The following SHTN1 variants were observed in gnomAD, a reference collection of about 807,000 sequenced individuals.
The protein encoded by SHTN1 is shootin-1.
Under a neutral mutation model 83.1 loss-of-function variants are expected in SHTN1, and 42 were observed. That is an observed-to-expected ratio of 0.51 (90% CI 0.39 to 0.65). The LOEUF is 0.65. Among genes scored for constraint, SHTN1 ranks in the 30% least tolerant of loss-of-function variants. SHTN1 has a pLI of 0.00. For missense variants in SHTN1, 622 were observed against 737.8 expected (o/e 0.84, Z 1.82); for synonymous variants, 224 against 247.7 (o/e 0.90, Z 0.90).
In SHTN1 at chr10:116,901,816, C is replaced by G; in HGVS notation, c.1622G>C (p.Gly541Ala). ...NSPSPPTPEP[G>A]EGPRKLEGCT... ...TCCTTCCAATTTACGGGGCCCTTCA[C>G]CTGGCTCAGGTGTTGGGGGGGACGG... Residue 541 changes from glycine to alanine, a missense_variant, in exon 16 of 17, where the codon GGT (glycine) becomes GCT (alanine). By Grantham distance (60) the Gly-to-Ala change is moderately conservative. Transcript: ENST00000355371. 1.2e-6 allele frequency: 2 copies of G among 1,601,400 alleles called. No homozygotes were observed. The highest frequency in any genetic ancestry group is 1.7e-6 in the Non-Finnish European group (2 of 1,176,718).
intron 1 of SHTN1, among the ~76,000 whole-genome samples, chr10:117,097,394 C>A (rs769165389): frequency 6.6e-6 from 1 of 152,182 alleles, no homozygotes; most frequent in Non-Finnish European, 1.5e-5. Flanking sequence ...GTAATTCTTA[C>A]GGCAAAATTT....
chr10:117,124,231 A>G (rs1434803064), intron 1 of SHTN1, among the ~76,000 whole-genome samples: 1 of 151,202 alleles, frequency 6.6e-6, no homozygotes, highest in Non-Finnish European at 1.5e-5. Context: ...AAAAAAAGCC[A>G]AACTTCAGAT....
chr10:116,898,837 A>G (rs1564864747), intron 16 of SHTN1, among the ~76,000 whole-genome samples: 1 of 152,224 alleles, frequency 6.6e-6, no homozygotes, highest in Non-Finnish European at 1.5e-5. Context: ...ATTAAGCATT[A>G]AAAGTGTTTC....
intron 1 of SHTN1, among the ~76,000 whole-genome samples, chr10:117,103,530 C>CTTTTTTTTTT (rs35229163): frequency 3.9e-5 from 3 of 77,500 alleles, no homozygotes; most frequent in African/African-American, 1.1e-4. Context: ...CCTCCCCTCT[C>CTTTTTTTTTT]TTTTTTTTTT....
At chr10:117,082,441 G>C (rs1276884402) in intron 1 of SHTN1, among the ~76,000 whole-genome samples, 1 of 150,380 alleles carries the variant, frequency 6.6e-6, no homozygotes, top group South Asian at 2.1e-4. Context: ...TTGCTGAGGA[G>C]AGCTTTACTT....
chr10:116,963,996 T>C (rs1850302632), intron 3 of SHTN1, among the ~76,000 whole-genome samples: 1 of 151,982 alleles, frequency 6.6e-6, no homozygotes, highest in South Asian at 2.1e-4. Context: ...TTTACTTGTT[T>C]TTATCTTCTA....
intron 7 of SHTN1, among the ~76,000 whole-genome samples, chr10:116,947,269 G>A (rs1849629672): frequency 1.3e-5 from 2 of 152,084 alleles, no homozygotes; most frequent in African/African-American, 4.8e-5. Flanking sequence ...GCACAAGCTG[G>A]GCAGACAGCA....
At chr10:116,918,063 G>A (rs1652095344) in intron 12 of SHTN1, among the ~76,000 whole-genome samples, 1 of 152,166 alleles carries the variant, frequency 6.6e-6, no homozygotes, top group African/African-American at 2.4e-5. Flanking sequence ...GGTATGTTTT[G>A]TAATTCTTTC....
Position 117,069,091 on chromosome 10 carries a change from G to A in SHTN1, c.-188-20581C>T, listed in dbSNP as rs147346931. ...GCAGAGGAACAGGAGTCACTGAAAA[G>A]ACCATGAAAACTCTGCTGCAAAAGT... On this transcript the variant is annotated intron_variant, in intron 1 of 17. Transcript: ENST00000392901. Among the ~76,000 whole-genome samples, 11 of 152,246 alleles carry A rather than the reference G, an allele frequency of 7.2e-5. No homozygotes were observed. In the East Asian group the frequency reaches 2.1e-3, roughly 29 times the overall value.
chr10:116,891,713 G>T (rs1362125462), intron 16 of SHTN1, among the ~76,000 whole-genome samples: 1 of 152,084 alleles, frequency 6.6e-6, no homozygotes, highest in Non-Finnish European at 1.5e-5. Context: ...TTTTTCAGGA[G>T]ATTTTAATAC....
chr10:117,081,821 G>A (rs1199405850), intron 1 of SHTN1, among the ~76,000 whole-genome samples: 194 of 151,354 alleles, frequency 1.3e-3, no homozygotes, highest in African/African-American at 3.8e-3. Context: ...GTTTATTTGC[G>A]TAGAGGTGTT....
chr10:116,970,438 G>A lies in SHTN1; in HGVS notation c.112-1726C>T, dbSNP rs562759134. Among the ~76,000 whole-genome samples, 64 of 152,256 alleles carry A rather than the reference G, an allele frequency of 4.2e-4. 1 individual carries two copies. The highest frequency in any genetic ancestry group is 1.3e-3 in the African/African-American group (52 of 41,548). Reference sequence around the variant, plus strand: ...AACGTTAAAAACCATCATGTTGGCCGGGCACGGTGGCTCAAGTCGGTAATC... The same window carrying A: ...AACGTTAAAAACCATCATGTTGGCCAGGCACGGTGGCTCAAGTCGGTAATC... On this transcript the variant is annotated intron_variant, in intron 2 of 16. Coordinates refer to ENST00000355371, the MANE Select transcript of SHTN1 (RefSeq NM_001127211.3).
intron 2 of SHTN1, among the ~76,000 whole-genome samples, chr10:116,969,610 T>G (rs1167018890): frequency 6.6e-6 from 1 of 152,174 alleles, no homozygotes; most frequent in Non-Finnish European, 1.5e-5. Context: ...ATAAACCGAT[T>G]TTTAATTTAA....
chr10:116,953,506 G>A (rs1016517191), intron 5 of SHTN1, among the ~76,000 whole-genome samples: 1 of 151,848 alleles, frequency 6.6e-6, no homozygotes, highest in African/African-American at 2.4e-5. Context: ...AAATGATGTG[G>A]GAAGCTTTCA....
At chr10:117,109,975 T>C (rs1189951415) in intron 1 of SHTN1, among the ~76,000 whole-genome samples, 1 of 152,212 alleles carries the variant, frequency 6.6e-6, no homozygotes, top group East Asian at 1.9e-4. Context: ...ATCACATTAT[T>C]TCCACCTTCT....
At chr10:117,005,338 G>C, upstream of SHTN1, 5 of 1,299,708 alleles carry the variant, frequency 3.8e-6, no homozygotes, top group Non-Finnish European at 4.9e-6. Context: ...GAGGAACGAG[G>C]GCGGGTCGGC....
chr10:117,111,931 C>T (rs1853773393), intron 1 of SHTN1, among the ~76,000 whole-genome samples: 1 of 152,028 alleles, frequency 6.6e-6, no homozygotes, highest in Admixed American at 6.6e-5. Context: ...GTTCCAGCCC[C>T]CAAGCACATA....
intron 2 of SHTN1, among the ~76,000 whole-genome samples, chr10:117,027,195 G>GC (rs201460704): frequency 6.6e-6 from 1 of 151,880 alleles, no homozygotes; most frequent in Non-Finnish European, 1.5e-5. Flanking sequence ...AACATTGGAG[G>GC]GGGGGCCTGG....
chr10:117,005,026 C>A lies in SHTN1; in HGVS notation c.54G>T (p.Glu18Asp). The A allele has an allele frequency of 6.3e-7, 1 of 1,596,136 alleles. No individual in the cohort carries two copies. The highest frequency in any genetic ancestry group is 8.5e-7 in the Non-Finnish European group (1 of 1,171,790). The change falls in exon 1 of 17, where the codon GAG (glutamate) becomes GAT (aspartate). Residue 18 changes from glutamate to aspartate, a missense_variant. Glu to Asp is a conservative substitution (Grantham distance 45, BLOSUM62 2). Around this residue, in one of 3 missense-constraint regions of SHTN1, gnomAD observed 383 missense variants for 455.8 expected, o/e 0.84. Coordinates refer to ENST00000355371, the MANE Select transcript of SHTN1 (RefSeq NM_001127211.3). Reference protein sequence around the residue: ...KQLQLITSLKEQAIGEYEDLR... With the variant: ...KQLQLITSLKDQAIGEYEDLR... ...TGGCGCCCGCGTGCTGCCTACCTTG[C>A]TCCTTCAGACTGGTAATGAGCTGCA...
Sources: gnomAD v4.1 joint callset for allele counts (sites outside exome capture counted in the v4.1 genomes callset) on GRCh38, gnomAD v4.1.1 for gene constraint, gnomAD v4.1.1 regional missense constraint, MANE v1.5 for transcripts, NCBI Gene and HGNC (gene_info 2026-07-23, HGNC 2026-07-21) for gene names.